CYP2J2: variants seen among roughly 807,000 people sequenced by gnomAD.
The protein encoded by CYP2J2 is cytochrome P450 family 2 subfamily J member 2.
Under a neutral mutation model 48.8 loss-of-function variants are expected in CYP2J2, and 41 were observed. The ratio of observed to expected loss-of-function variants is 0.84; its 90% confidence interval spans 0.66 to 1.09. The LOEUF is 1.09. Ranked by LOEUF, CYP2J2 falls within the 50% of genes least tolerant of loss-of-function variation. The pLI is 0.00. For missense variants in CYP2J2, 644 were observed against 617.3 expected (o/e 1.04, Z -0.46); for synonymous variants, 221 against 227.1 (o/e 0.97, Z 0.24).
the CYP2J2 span, among the ~76,000 whole-genome samples, chr1:59,963,634 G>T: frequency 1.3e-5 from 2 of 152,106 alleles, no homozygotes; most frequent in Non-Finnish European, 2.9e-5. Context: ...TGTAATTAAT[G>T]CTTCTATGAA....
intron 8 of CYP2J2, among the ~76,000 whole-genome samples, chr1:59,895,819 G>A (rs531242551): frequency 3.3e-5 from 5 of 152,174 alleles, no homozygotes; most frequent in Non-Finnish European, 4.4e-5. Flanking sequence ...ACCAAATCGC[G>A]ATTTTTAAAA....
chr1:59,914,534 T>G (rs1644446781), intron 2 of CYP2J2, among the ~76,000 whole-genome samples: 1 of 152,212 alleles, frequency 6.6e-6, no homozygotes, highest in South Asian at 2.1e-4. Flanking sequence ...ACATATGTTG[T>G]ATGGAATCAA....
chr1:59,912,368 C>T, intron 2 of CYP2J2, 57 bp from the exon 3 acceptor site: 3 of 1,532,456 alleles, frequency 2.0e-6, no homozygotes, highest in Non-Finnish European at 2.7e-6. Context: ...GAATATCCAG[C>T]AAATGATATG....
intron 8 of CYP2J2, among the ~76,000 whole-genome samples, chr1:59,897,718 G>A (rs1294995000): frequency 1.3e-5 from 2 of 152,192 alleles, no homozygotes; most frequent in South Asian, 4.1e-4. Context: ...TTGCTGCTTT[G>A]ATGGATCAAA....
intron 1 of CYP2J2, among the ~76,000 whole-genome samples, chr1:59,921,210 T>C (rs954105230): frequency 3.3e-5 from 5 of 152,240 alleles, no homozygotes; most frequent in Non-Finnish European, 2.9e-5. Flanking sequence ...TCTAACCATG[T>C]CATGAAAAGT....
chr1:59,896,900 C>A (rs1164129630), intron 8 of CYP2J2, among the ~76,000 whole-genome samples: 1 of 152,212 alleles, frequency 6.6e-6, no homozygotes, highest in Non-Finnish European at 1.5e-5. Context: ...TACATCATAA[C>A]AGATATTATT....
At chr1:59,915,813 G>T in intron 2 of CYP2J2, 125 bp downstream of exon 2, 1 of 838,174 alleles carries the variant, frequency 1.2e-6, no homozygotes, top group Non-Finnish European at 1.8e-6. Flanking sequence ...TTTCTTTAGT[G>T]GCAGGAAGTT....
rs1574257362 is a variant in CYP2J2 at position 59,915,953 on chromosome 1, T to A, written c.358A>T (p.Ile120Phe). The A allele has an allele frequency of 1.2e-6, 2 of 1,612,636 alleles. No individual in the cohort carries two copies. The highest frequency in any genetic ancestry group is 4.5e-5 in the East Asian group (2 of 44,876). Residue 120 changes from isoleucine to phenylalanine, a missense_variant, in exon 2 of 9, where the codon ATC (isoleucine) becomes TTC (phenylalanine). Ile to Phe is a conservative substitution (Grantham distance 21, BLOSUM62 0). Coordinates refer to ENST00000371204, the MANE Select transcript of CYP2J2 (RefSeq NM_000775.4). ...NRPVTPMREH[I>F]FKKNGLIMSS... ...AGAAACTTACCATTTTTCTTAAAGA[T>A]ATGTTCTCGCATAGGGGTCACGGGG...
chr1:59,946,786 T>C, the CYP2J2 span, among the ~76,000 whole-genome samples: 1 of 152,176 alleles, frequency 6.6e-6, no homozygotes, highest in Non-Finnish European at 1.5e-5. Flanking sequence ...AACTTTTATA[T>C]TTACAATAGC....
chr1:59,966,241 C>T, the CYP2J2 span, among the ~76,000 whole-genome samples: 1 of 152,200 alleles, frequency 6.6e-6, no homozygotes, highest in African/African-American at 2.4e-5. Context: ...GTTAACTAAA[C>T]TTTTCATTAG....
rs527342446 is a variant in CYP2J2, at chr1:59,907,717, G to A, written c.1003+69C>T. ...TCCTACAATGCTATCTTCTGGCCCC[G>A]ACTTCAGGCAGCACATCCCAGGAGG... On this transcript the variant is annotated intron_variant, in intron 6 of 8. Transcript: ENST00000371204. The A allele has an allele frequency of 4.4e-5, 69 of 1,558,010 alleles. No individual in the cohort carries two copies. The African/African-American group carries it at 6.8e-4, about 15-fold the overall frequency.
chr1:59,911,136 T>C (rs1644410544), intron 4 of CYP2J2, among the ~76,000 whole-genome samples: 1 of 152,082 alleles, frequency 6.6e-6, no homozygotes, highest in Non-Finnish European at 1.5e-5. Context: ...ACAGAACAGA[T>C]TGACAAAAAG....
rs980424336 is a variant in CYP2J2 at position 59,902,586 on chromosome 1, T to G, written c.1192-1483A>C. 7.9e-5 allele frequency among the ~76,000 whole-genome samples: 12 copies of G among 152,068 alleles called. No homozygotes were observed. The East Asian group carries it at 2.1e-3, about 27-fold the overall frequency. On this transcript the variant is annotated intron_variant, in intron 7 of 8. Transcript: ENST00000371204. Reference sequence around the variant, plus strand: ...GCCCACCACCACGCCTGGCTAGTTTTTATATTTTTAGTAGAGACGGTTTTC... The same window carrying G: ...GCCCACCACCACGCCTGGCTAGTTTGTATATTTTTAGTAGAGACGGTTTTC...
Position 59,907,832 on chromosome 1 carries a change from A to T in CYP2J2, c.957T>A (p.Thr319=). 6.2e-7 allele frequency: 1 copy of T among 1,613,924 alleles called. No homozygotes were observed. Among genetic ancestry groups the T allele is most frequent in the East Asian group, 2.2e-5 (1 of 44,888 alleles). The change falls in exon 6 of 9, where the codon ACT becomes ACA. Residue 319 remains threonine, a synonymous_variant. Coordinates refer to ENST00000371204, the MANE Select transcript of CYP2J2 (RefSeq NM_000775.4). ...FFAGTETTST[T]LRWALLYMAL... ...CCATATAAAGCAGAGCCCATCGCAGAGTTGTGGAAGTTGTCTCGGTTCCGG... is the reference window on the plus strand; with the variant it reads ...CCATATAAAGCAGAGCCCATCGCAGTGTTGTGGAAGTTGTCTCGGTTCCGG...
chr1:59,918,722 C>T (rs763035743), intron 1 of CYP2J2, among the ~76,000 whole-genome samples: 11 of 149,412 alleles, frequency 7.4e-5, no homozygotes, highest in Non-Finnish European at 1.0e-4. Context: ...AAATAAGATG[C>T]CTTTTGAAAG....
In CYP2J2 at chr1:59,915,980, G is replaced by T. The variant is rs545035265; in HGVS notation, c.331C>A (p.Arg111Ser). 3 of 1,613,906 alleles carry T rather than the reference G, an allele frequency of 1.9e-6. No individual in the cohort carries two copies. The Admixed American group carries it at 5.0e-5, about 27-fold the overall frequency. ...TGTTCTCGCATAGGGGTCACGGGGC[G>T]GTTCCCAAAGTTTTGGTCCATGTGG... ...LIHMDQNFGN[R>S]PVTPMREHIF... The change falls in exon 2 of 9, where the codon CGC becomes AGC. Residue 111 changes from arginine to serine, a missense_variant. Coordinates refer to ENST00000371204, the MANE Select transcript of CYP2J2 (RefSeq NM_000775.4).
chr1:59,945,440 ATCTC>A, the CYP2J2 span, among the ~76,000 whole-genome samples: 10 of 140,722 alleles, frequency 7.1e-5, no homozygotes, highest in Non-Finnish European at 1.3e-4. Context: ...CTATCTATCT[ATCTC>A]TCTATCTATC....
intron 1 of CYP2J2, among the ~76,000 whole-genome samples, chr1:59,923,458 G>A (rs1469172679): frequency 6.6e-6 from 1 of 152,196 alleles, no homozygotes; most frequent in Non-Finnish European, 1.5e-5. Flanking sequence ...CATCAATTGA[G>A]TGAGTTGACA....
intron 8 of CYP2J2, among the ~76,000 whole-genome samples, chr1:59,898,138 A>G (rs1398353405): frequency 6.6e-6 from 1 of 152,188 alleles, no homozygotes; most frequent in Admixed American, 6.5e-5. Context: ...TTGGATCCAC[A>G]TCATTTGCAA....
Sources: allele counts gnomAD v4.1 joint callset (sites outside exome capture counted in the v4.1 genomes callset), GRCh38; gene constraint gnomAD v4.1.1; transcripts MANE v1.5; gene names NCBI Gene and HGNC (gene_info 2026-07-23, HGNC 2026-07-21).